PLCB1: variants seen among roughly 807,000 people sequenced by gnomAD.
PLCB1 encodes the protein phospholipase C beta 1.
A neutral mutation model predicts 161.8 loss-of-function variants in PLCB1; 46 were observed. The observed-to-expected ratio is 0.28, with a 90% CI of 0.22 to 0.36. PLCB1 has a LOEUF of 0.36. Ranked by LOEUF, PLCB1 falls within the 10% of genes least tolerant of loss-of-function variation. The pLI, the probability that PLCB1 is intolerant of heterozygous loss-of-function variation, is 1.00. For missense variants in PLCB1, 1,016 were observed against 1,472.5 expected, an observed-to-expected ratio of 0.69 and a Z score of 5.07; for synonymous variants, 517 against 503.7, an observed-to-expected ratio of 1.03 and a Z score of -0.35.
chr20:8,345,715 A>T (rs1985979335), intron 2 of PLCB1, among the ~76,000 whole-genome samples: 1 of 152,204 alleles, frequency 6.6e-6, no homozygotes, highest in Non-Finnish European at 1.5e-5. Context: ...ATGGGAGGCA[A>T]AATTGCCCCC....
chr20:8,256,548 G>A (rs903746090), intron 2 of PLCB1, among the ~76,000 whole-genome samples: 9 of 152,062 alleles, frequency 5.9e-5, no homozygotes, highest in African/African-American at 2.2e-4. Flanking sequence ...CATCCTGCTC[G>A]CTATAGGAGG....
intron 3 of PLCB1, among the ~76,000 whole-genome samples, chr20:8,541,600 G>GAAAGAAAGAAAGAAAT (rs1292981718): frequency 0.015 from 2,232 of 150,752 alleles, 30 homozygotes; most frequent in East Asian, 0.042. Flanking sequence ...AAGAAAGAAA[G>GAAAGAAAGAAAGAAAT]AAAGAAAGGA....
intron 3 of PLCB1, among the ~76,000 whole-genome samples, chr20:8,579,798 G>A (rs1600166679): frequency 6.6e-6 from 1 of 152,128 alleles, no homozygotes; most frequent in Admixed American, 6.5e-5. Flanking sequence ...GATTATGTAT[G>A]GAGGGAGCAT....
At chr20:8,831,910 T>TTCTCCC in intron 31 of PLCB1, among the ~76,000 whole-genome samples, 1 of 71,868 alleles carries the variant, frequency 1.4e-5, no homozygotes, top group East Asian at 8.3e-4. Context: ...CTCTCTTTCT[T>TTCTCCC]TCTCTTTCTT....
chr20:8,671,187 G>A (rs1273097039), intron 9 of PLCB1, among the ~76,000 whole-genome samples: 2 of 152,094 alleles, frequency 1.3e-5, no homozygotes, highest in Non-Finnish European at 2.9e-5. Context: ...TATTCTACGT[G>A]GATTTATGGG....
At chr20:8,161,298 T>C (rs1473211871) in intron 2 of PLCB1, among the ~76,000 whole-genome samples, 2 of 152,212 alleles carry the variant, frequency 1.3e-5, no homozygotes, top group Non-Finnish European at 2.9e-5. Flanking sequence ...ACATAGTGTG[T>C]GTATACTTAC....
chr20:8,594,409 T>A (rs1204940620), intron 3 of PLCB1, among the ~76,000 whole-genome samples: 6 of 151,540 alleles, frequency 4.0e-5, no homozygotes, highest in Non-Finnish European at 7.4e-5. Flanking sequence ...TCAGGGCTTC[T>A]CAAACACTCA....
At chr20:8,272,707 G>A (rs1412920988) in intron 2 of PLCB1, among the ~76,000 whole-genome samples, 4 of 152,168 alleles carry the variant, frequency 2.6e-5, no homozygotes, top group South Asian at 2.1e-4. Flanking sequence ...AAATGTCCTC[G>A]CACCAAATTT....
chr20:8,857,985 C>T (rs2146309519), intron 31 of PLCB1, among the ~76,000 whole-genome samples: 1 of 152,176 alleles, frequency 6.6e-6, no homozygotes, highest in African/African-American at 2.4e-5. Context: ...ATTCTTTTGT[C>T]AGATGTGTTT....
intron 23 of PLCB1, among the ~76,000 whole-genome samples, chr20:8,746,794 G>A (rs960117146): frequency 6.6e-6 from 1 of 152,188 alleles, no homozygotes; most frequent in African/African-American, 2.4e-5. Context: ...AAAGGAGTTA[G>A]GATGAAAACC....
At chr20:8,383,880 T>C (rs1987339073) in intron 3 of PLCB1, among the ~76,000 whole-genome samples, 1 of 152,210 alleles carries the variant, frequency 6.6e-6, no homozygotes, top group African/African-American at 2.4e-5. Flanking sequence ...GGGTTTCTAC[T>C]GAGAGGTCTG....
At chr20:8,759,955 G>C (rs904665500) in intron 24 of PLCB1, among the ~76,000 whole-genome samples, 1 of 136,446 alleles carries the variant, frequency 7.3e-6, no homozygotes, top group South Asian at 2.4e-4. Flanking sequence ...ACATAGGGTG[G>C]AGTGCAGTGG....
intron 2 of PLCB1, among the ~76,000 whole-genome samples, chr20:8,346,133 A>G (rs1035003652): frequency 2.0e-5 from 3 of 152,224 alleles, no homozygotes; most frequent in Non-Finnish European, 4.4e-5. Flanking sequence ...TTGCCAGACA[A>G]GGTGAAGATA....
At chr20:8,569,758 G>T (rs1219701380) in intron 3 of PLCB1, among the ~76,000 whole-genome samples, 1 of 152,140 alleles carries the variant, frequency 6.6e-6, no homozygotes, top group Non-Finnish European at 1.5e-5. Flanking sequence ...ATGCACAAAA[G>T]TATACATGCA....
At chr20:8,730,742 C>T (rs1368307418) in intron 18 of PLCB1, among the ~76,000 whole-genome samples, 4 of 151,608 alleles carry the variant, frequency 2.6e-5, no homozygotes, top group Non-Finnish European at 5.9e-5. Context: ...TTTCTCTTTA[C>T]TTTAAAATTT....
chr20:8,868,732 A>C (rs4816099), intron 31 of PLCB1, among the ~76,000 whole-genome samples: 1 of 151,830 alleles, frequency 6.6e-6, no homozygotes, highest in Non-Finnish European at 1.5e-5. Flanking sequence ...CCCAGGTTCA[A>C]GTGATTCTTG....
At chr20:8,648,021 T>A (rs1989213447) in intron 6 of PLCB1, 68 bp downstream of exon 6, 1 of 1,171,776 alleles carries the variant, frequency 8.5e-7, no homozygotes, top group Non-Finnish European at 1.2e-6. Flanking sequence ...ATGCCATGGC[T>A]CTGTTTTGTT....
intron 3 of PLCB1, among the ~76,000 whole-genome samples, chr20:8,567,957 A>G (rs1227841570): frequency 6.6e-6 from 1 of 152,180 alleles, no homozygotes; most frequent in East Asian, 1.9e-4. Context: ...CTCATAACCA[A>G]ATTGGAAATC....
chr20:8,439,800 C>T (rs776910072), intron 3 of PLCB1, among the ~76,000 whole-genome samples: 7 of 151,560 alleles, frequency 4.6e-5, no homozygotes, highest in South Asian at 2.1e-4. Context: ...AGGTCGTTGA[C>T]CTTTTTATAG....
Sources: gnomAD v4.1 joint callset for allele counts (sites outside exome capture counted in the v4.1 genomes callset) on GRCh38, gnomAD v4.1.1 for gene constraint, MANE v1.5 for transcripts, NCBI Gene and HGNC (gene_info 2026-07-23, HGNC 2026-07-21) for gene names.